NUGGC: variants seen among roughly 807,000 people sequenced by gnomAD.
NUGGC encodes the protein nuclear GTPase, germinal center associated.
A neutral mutation model predicts 92.6 loss-of-function variants in NUGGC; 58 were observed. The observed-to-expected ratio is 0.63, with a 90% CI of 0.51 to 0.78. NUGGC has a LOEUF of 0.78. NUGGC is among the 30% of genes least tolerant of loss of function. NUGGC has a pLI of 0.00. For synonymous variants in NUGGC, 376 were observed against 366.4 expected (o/e 1.03, Z -0.30); for missense variants, 925 against 964.6 (o/e 0.96, Z 0.54).
intron 1 of NUGGC, among the ~76,000 whole-genome samples, chr8:28,076,217 G>A (rs956383637): frequency 6.6e-6 from 1 of 152,244 alleles, no homozygotes; most frequent in Non-Finnish European, 1.5e-5. Context: ...TTAGCTGAAT[G>A]AATGGATAAC....
chr8:28,040,756 C>T (rs1421816214), intron 13 of NUGGC, among the ~76,000 whole-genome samples: 1 of 151,926 alleles, frequency 6.6e-6, no homozygotes, highest in Non-Finnish European at 1.5e-5. Context: ...AAGCAATTCT[C>T]CTGCCTCAGC....
rs199620008 is a variant in NUGGC, at chr8:28,022,131, G to GTATA, written c.*1182_*1185dup. 3.6e-5 allele frequency: 5 copies of GTATA among 140,700 alleles called. No individual in the cohort carries two copies. The highest frequency in any genetic ancestry group is 1.1e-4 in the African/African-American group (4 of 38,022). 8.7% of individuals were successfully genotyped at this position (140,700 alleles called of 1,614,324 possible). The stretch of plus-strand genomic sequence containing the variant: ...TTTTTTTATGTATGGGTGTGTGTGT[G>GTATA]TATATATATATATTTTTTTCTTTTT... On this transcript the variant is annotated 3_prime_UTR_variant, in exon 19 of 19. Transcript: ENST00000413272.
In NUGGC at chr8:28,027,027, C is replaced by G. The variant is rs1563212554; in HGVS notation, c.2180G>C (p.Gly727Ala). Residue 727 changes from glycine to alanine, a missense_variant, in exon 18 of 19, where the codon GGC becomes GCC. Transcript: ENST00000413272. The part of the protein sequence containing the change: ...LKTGIVEKVK[G>A]SITTMLALAS... ...AAGGGCCAGCATAGTGGTGATGCTG[C>G]CCTTCACCTTCTCCACGATTCCAGT... 1 of 1,613,336 alleles carries G rather than the reference C, an allele frequency of 6.2e-7. No individual in the cohort carries two copies. The highest frequency in any genetic ancestry group is 1.1e-5 in the South Asian group (1 of 91,058).
rs962485164 is a variant in NUGGC at position 28,064,222 on chromosome 8, C to T, written c.921+300G>A. 3.0e-4 allele frequency among the ~76,000 whole-genome samples: 45 copies of T among 152,182 alleles called. 1 individual carries two copies. Among genetic ancestry groups the T allele is most frequent in the African/African-American group, 1.1e-3 (44 of 41,444 alleles). On this transcript the variant is annotated intron_variant, in intron 7 of 18. Coordinates refer to ENST00000413272, the MANE Select transcript of NUGGC (RefSeq NM_001010906.2). ...TGCTTTGTCCCCAACACTTGGCCTC[C>T]CAGTTCCCTTCTGTCCTTGGTCACT...
intron 8 of NUGGC, chr8:28,060,210 C>A (rs1231179585): frequency 4.5e-6 from 3 of 667,700 alleles, no homozygotes; most frequent in Non-Finnish European, 8.3e-6. Flanking sequence ...CAGCTTGGCA[C>A]TAAGCAGCTA....
rs1047346399 is a variant in NUGGC, at chr8:28,030,493, GC to G, written c.1909-76del. 42 of 755,356 alleles carry G rather than the reference GC, an allele frequency of 5.6e-5. No homozygotes were observed. In the African/African-American group the frequency reaches 6.2e-4, roughly 11 times the overall value. The allele number at this position is 755,356 out of a possible 1,614,324, so 46.8% of individuals were successfully genotyped here. A position where few individuals can be genotyped will look rare whatever the true frequency, so the allele number is the denominator to read the frequency against. On this transcript the variant is annotated intron_variant, in intron 15 of 18. Coordinates refer to ENST00000413272, the MANE Select transcript of NUGGC (RefSeq NM_001010906.2). The stretch of plus-strand genomic sequence containing the variant: ...AGCAGGTCAGGTGTCCCAGTGCATG[GC>G]CACCATTCCCTCCACCTCCACCTTA...
At chr8:28,042,859 A>G (rs1809734883) in intron 12 of NUGGC, among the ~76,000 whole-genome samples, 1 of 152,222 alleles carries the variant, frequency 6.6e-6, no homozygotes, top group Non-Finnish European at 1.5e-5. Context: ...GTGACCTGAT[A>G]CAGGTGATTT....
chr8:28,059,076 A>T (rs566284966), intron 8 of NUGGC, among the ~76,000 whole-genome samples: 10 of 152,264 alleles, frequency 6.6e-5, no homozygotes, highest in African/African-American at 2.4e-4. Context: ...TGAGATGGGG[A>T]GAAATGCAGG....
chr8:28,058,514 C>T lies in NUGGC; in HGVS notation c.1098-238G>A, dbSNP rs77821272. On this transcript the variant is annotated intron_variant, in intron 8 of 18. Coordinates refer to ENST00000413272, the MANE Select transcript of NUGGC (RefSeq NM_001010906.2). ...GCTGTGAACATTTTCTGTGACCTCA[C>T]TCCCTGTCCCAGTCAAAAATGCAGC... Among the ~76,000 whole-genome samples the T allele has an allele frequency of 8.1e-3, 1,240 of 152,266 alleles. 21 individuals are homozygous for T. The highest frequency in any genetic ancestry group is 0.029 in the African/African-American group (1,211 of 41,548).
At chr8:28,033,360 T>C (rs1212527660) in intron 14 of NUGGC, among the ~76,000 whole-genome samples, 180 bp downstream of exon 14, 1 of 152,206 alleles carries the variant, frequency 6.6e-6, no homozygotes, top group East Asian at 1.9e-4. Flanking sequence ...CAGGTCATCA[T>C]GGGAAATTTT....
intron 18 of NUGGC, 118 bp from the exon 19 acceptor site, chr8:28,023,580 C>G: frequency 1.0e-6 from 1 of 989,928 alleles, no homozygotes; most frequent in Non-Finnish European, 1.5e-6. Context: ...TGGAGTGGTG[C>G]TTACAGATCA....
intron 8 of NUGGC, 59 bp downstream of exon 8, chr8:28,060,367 G>A (rs1810268024): frequency 6.7e-7 from 1 of 1,501,276 alleles, no homozygotes; most frequent in African/African-American, 1.4e-5. Flanking sequence ...ACTGTAGTCA[G>A]GACCCACAGA....
chr8:28,023,301 G>A lies in NUGGC; in HGVS notation c.*16C>T. Reference sequence around the variant, plus strand: ...TCTGGGCTGATTTTTCATCCATTGGGACTAAGCCCCAGGAGTTACAGTGAT... The same window carrying A: ...TCTGGGCTGATTTTTCATCCATTGGAACTAAGCCCCAGGAGTTACAGTGAT... On this transcript the variant is annotated 3_prime_UTR_variant, in exon 19 of 19. Transcript: ENST00000413272. The A allele has an allele frequency of 6.2e-7, 1 of 1,609,086 alleles. No individual in the cohort carries two copies. Among genetic ancestry groups the A allele is most frequent in the Non-Finnish European group, 8.5e-7 (1 of 1,177,882 alleles).
Position 28,067,592 on chromosome 8 carries a change from CT to C in NUGGC, c.632del (p.Lys211ArgfsTer7). On this transcript the variant is annotated frameshift_variant, in exon 6 of 19. Coordinates refer to ENST00000413272, the MANE Select transcript of NUGGC (RefSeq NM_001010906.2). LOFTEE classifies it high-confidence loss of function. ...TCGCCCTCAGTAACTCCTCATAGTT[CT>C]TACTCTCTGCCCCATTTCCATAAAT... ...QMIYGNGAES[K>X]NYEELLRAKP... The C allele has an allele frequency of 6.2e-7, 1 of 1,613,798 alleles. No individual in the cohort carries two copies. The highest frequency in any genetic ancestry group is 8.5e-7 in the Non-Finnish European group (1 of 1,179,786).
intron 10 of NUGGC, among the ~76,000 whole-genome samples, chr8:28,050,614 C>T (rs1381581913): frequency 6.6e-6 from 1 of 151,994 alleles, no homozygotes; most frequent in African/African-American, 2.4e-5. Flanking sequence ...AGTTCGAGAC[C>T]AGCCTGGCCA....
chr8:28,060,747 G>A (rs1402206809), intron 7 of NUGGC, 146 bp from the exon 8 acceptor site: 1 of 644,022 alleles, frequency 1.6e-6, no homozygotes, highest in Non-Finnish European at 2.6e-6. Context: ...GCTGGACTGA[G>A]CTATGAGTCA....
At chr8:28,058,691 G>T (rs1419430935) in intron 8 of NUGGC, among the ~76,000 whole-genome samples, 1 of 151,738 alleles carries the variant, frequency 6.6e-6, no homozygotes, top group Non-Finnish European at 1.5e-5. Context: ...TAATAAATTA[G>T]ATTTAATTAT....
intron 10 of NUGGC, among the ~76,000 whole-genome samples, chr8:28,052,006 A>G (rs1362896002): frequency 6.6e-6 from 1 of 152,196 alleles, no homozygotes; most frequent in Non-Finnish European, 1.5e-5. Flanking sequence ...GTGAACCATA[A>G]CATACCAGGT....
At chr8:28,025,949 A>G (rs1809248647) in intron 18 of NUGGC, among the ~76,000 whole-genome samples, 1 of 152,216 alleles carries the variant, frequency 6.6e-6, no homozygotes, top group African/African-American at 2.4e-5. Context: ...CCAGTGTTCT[A>G]TGTAGCCCAT....
Sources: gnomAD v4.1 joint callset for allele counts (sites outside exome capture counted in the v4.1 genomes callset) on GRCh38, gnomAD v4.1.1 for gene constraint, MANE v1.5 for transcripts, NCBI Gene and HGNC (gene_info 2026-07-23, HGNC 2026-07-21) for gene names.